Variants in SCRG1 observed in about 807,000 individuals in gnomAD.
SCRG1 encodes scrapie-responsive protein 1.
In SCRG1, 3 loss-of-function variants were observed where a neutral mutation model predicts 7.7. That is an observed-to-expected ratio of 0.39 (90% CI 0.18 to 1.01). SCRG1 has a LOEUF of 1.01. Ranked by LOEUF, SCRG1 falls within the 50% of genes least tolerant of loss-of-function variation. The probability of loss-of-function intolerance (pLI) is 0.36; values close to 1 mark genes in which losing one functional copy is unlikely to be tolerated. For missense variants in SCRG1, 110 were observed against 117.2 expected (o/e 0.94, Z 0.28); for synonymous variants, 46 against 41.2 (o/e 1.12, Z -0.44).
the SCRG1 span, among the ~76,000 whole-genome samples, chr4:173,500,691 C>T: frequency 2.6e-5 from 4 of 152,076 alleles, no homozygotes; most frequent in Admixed American, 6.5e-5. Context: ...CCCCATGTTG[C>T]CCCAGGTTGG....
chr4:173,396,271 G>A (rs1000032859), intron 1 of SCRG1, among the ~76,000 whole-genome samples: 1 of 152,200 alleles, frequency 6.6e-6, no homozygotes, highest in African/African-American at 2.4e-5. Context: ...GTAGGCAGTT[G>A]AATGTGAGTC....
chr4:173,447,068 C>T, the SCRG1 span, among the ~76,000 whole-genome samples: 14 of 152,204 alleles, frequency 9.2e-5, no homozygotes, highest in Non-Finnish European at 1.5e-5. Context: ...GCAGTTCAGG[C>T]TGCCATAACA....
chr4:173,415,055 T>C, the SCRG1 span, among the ~76,000 whole-genome samples: 18 of 152,238 alleles, frequency 1.2e-4, no homozygotes, highest in African/African-American at 3.9e-4. Context: ...AGCAAATTTA[T>C]ATGCACAATA....
chr4:173,486,003 C>G, the SCRG1 span, among the ~76,000 whole-genome samples: 1 of 152,096 alleles, frequency 6.6e-6, no homozygotes, highest in Admixed American at 6.6e-5. Flanking sequence ...GATTCCCTGT[C>G]TCTCTACTCT....
At chr4:173,447,017 AT>A in the SCRG1 span, among the ~76,000 whole-genome samples, 2 of 152,196 alleles carry the variant, frequency 1.3e-5, no homozygotes, top group Admixed American at 6.5e-5. Flanking sequence ...ATTTTAGAAA[AT>A]TTTTATCTGC....
the SCRG1 span, among the ~76,000 whole-genome samples, chr4:173,478,272 C>A: frequency 1.3e-5 from 2 of 152,112 alleles, no homozygotes; most frequent in African/African-American, 4.8e-5. Context: ...ATCTCTTCAT[C>A]TTAATAATTC....
chr4:173,425,897 C>T, the SCRG1 span, among the ~76,000 whole-genome samples: 2 of 152,202 alleles, frequency 1.3e-5, no homozygotes, highest in Non-Finnish European at 2.9e-5. Flanking sequence ...GCCAGACAAT[C>T]CAAGAACTCC....
the SCRG1 span, among the ~76,000 whole-genome samples, chr4:173,512,688 G>C: frequency 6.6e-6 from 1 of 152,092 alleles, no homozygotes. Context: ...CCCTGGCAAG[G>C]GACACTATGC....
the SCRG1 span, among the ~76,000 whole-genome samples, chr4:173,479,411 A>G: frequency 6.6e-6 from 1 of 150,818 alleles, no homozygotes; most frequent in Admixed American, 6.6e-5. Flanking sequence ...AATTAAAAGC[A>G]CAACCTGTTT....
At chr4:173,435,464 G>T in the SCRG1 span, among the ~76,000 whole-genome samples, 1 of 152,208 alleles carries the variant, frequency 6.6e-6, no homozygotes, top group South Asian at 2.1e-4. Context: ...CTCTCAGGAT[G>T]CTGGGATATG....
At chr4:173,405,488 G>A (rs1318783733) in intron 1 of SCRG1, among the ~76,000 whole-genome samples, 1 of 152,148 alleles carries the variant, frequency 6.6e-6, no homozygotes, top group Non-Finnish European at 1.5e-5. Flanking sequence ...CCTATGCATG[G>A]TCCATATGTA....
At chr4:173,507,101 C>T in the SCRG1 span, among the ~76,000 whole-genome samples, 1 of 152,226 alleles carries the variant, frequency 6.6e-6, no homozygotes, top group Non-Finnish European at 1.5e-5. This position sits in a 1 kb window ranked among gnomAD's most constrained non-coding sequence, Gnocchi z 4.4. Context: ...GCCACTCATC[C>T]GGTCTGGTGC....
At chr4:173,460,974 G>T in the SCRG1 span, among the ~76,000 whole-genome samples, 6 of 152,198 alleles carry the variant, frequency 3.9e-5, no homozygotes, top group Non-Finnish European at 7.3e-5. Context: ...AGGGGCAGGG[G>T]TGTCCTCTGC....
chr4:173,483,856 C>T, the SCRG1 span, among the ~76,000 whole-genome samples: 2 of 52,674 alleles, frequency 3.8e-5, no homozygotes, highest in African/African-American at 8.7e-5. Flanking sequence ...ATATATATTT[C>T]ATATTACATA....
the SCRG1 span, among the ~76,000 whole-genome samples, chr4:173,488,781 A>T: frequency 2.6e-5 from 4 of 152,232 alleles, no homozygotes; most frequent in African/African-American, 9.7e-5. Context: ...AAGAAAGCAC[A>T]TGTAGAAAAA....
chr4:173,485,406 A>T, the SCRG1 span, among the ~76,000 whole-genome samples: 50 of 149,918 alleles, frequency 3.3e-4, no homozygotes, highest in South Asian at 3.8e-3. Context: ...CAAGTACCAA[A>T]CATGACTGAG....
At chr4:173,517,524 C>T in the SCRG1 span, among the ~76,000 whole-genome samples, 4 of 152,004 alleles carry the variant, frequency 2.6e-5, no homozygotes, top group South Asian at 2.1e-4. Context: ...TTCACCGGTT[C>T]TTTCACAATC....
the SCRG1 span, among the ~76,000 whole-genome samples, chr4:173,455,819 G>A: frequency 4.6e-5 from 7 of 152,136 alleles, no homozygotes; most frequent in Non-Finnish European, 7.4e-5. Flanking sequence ...ATTCAGAATA[G>A]GTTAGTAAGG....
chr4:173,484,323 A>G, the SCRG1 span, among the ~76,000 whole-genome samples: 1 of 71,266 alleles, frequency 1.4e-5, no homozygotes, highest in Non-Finnish European at 2.5e-5. Flanking sequence ...TATATTTTAT[A>G]CATAATATAT....
Sources: allele counts gnomAD v4.1 joint callset (sites outside exome capture counted in the v4.1 genomes callset), GRCh38; gene constraint gnomAD v4.1.1; non-coding constraint Gnocchi (gnomAD v3.1); transcripts MANE v1.5; gene names NCBI Gene and HGNC (gene_info 2026-07-23, HGNC 2026-07-21).